Variants in MACROD2 observed in about 807,000 individuals in gnomAD.
The protein encoded by MACROD2 is ADP-ribose glycohydrolase MACROD2.
Under a neutral mutation model 70.4 loss-of-function variants are expected in MACROD2, and 36 were observed. The ratio of observed to expected loss-of-function variants is 0.51; its 90% CI spans 0.39 to 0.68. MACROD2 has a LOEUF of 0.68. MACROD2 is among the 30% of genes least tolerant of loss of function. The probability of loss-of-function intolerance (pLI) is 0.00; values close to 1 mark genes in which losing one functional copy is unlikely to be tolerated. For missense variants in MACROD2, 496 were observed against 538.4 expected, an observed-to-expected ratio of 0.92 and a Z score of 0.78; for synonymous variants, 172 against 178.8, an observed-to-expected ratio of 0.96 and a Z score of 0.30.
At chr20:15,432,253 G>C (rs2046372696) in intron 7 of MACROD2, among the ~76,000 whole-genome samples, 1 of 152,072 alleles carries the variant, frequency 6.6e-6, no homozygotes, top group Admixed American at 6.6e-5. Context: ...GGACTACCTA[G>C]ATTGATGTCA....
intron 8 of MACROD2, among the ~76,000 whole-genome samples, chr20:15,502,590 G>A (rs948450622): frequency 2.0e-5 from 3 of 152,148 alleles, no homozygotes; most frequent in African/African-American, 7.2e-5. Flanking sequence ...AGATATCAGA[G>A]TAGGAAATGG....
chr20:14,271,351 T>TC (rs1359572034), intron 3 of MACROD2, among the ~76,000 whole-genome samples: 12 of 152,220 alleles, frequency 7.9e-5, no homozygotes, highest in Non-Finnish European at 1.0e-4. Context: ...TCTGCTGTTC[T>TC]GCAGCCACCG....
At chr20:14,647,623 C>T (rs1382928001) in intron 4 of MACROD2, among the ~76,000 whole-genome samples, 1 of 151,896 alleles carries the variant, frequency 6.6e-6, no homozygotes, top group African/African-American at 2.4e-5. Context: ...TCATAAGACA[C>T]CCAGACCCCT....
At chr20:15,014,059 T>C (rs2075103344) in intron 5 of MACROD2, among the ~76,000 whole-genome samples, 1 of 152,226 alleles carries the variant, frequency 6.6e-6, no homozygotes, top group African/African-American at 2.4e-5. Context: ...ACCACTTGTT[T>C]TGGTTTTATG....
intron 6 of MACROD2, among the ~76,000 whole-genome samples, chr20:15,242,334 T>C (rs1431551283): frequency 3.3e-5 from 5 of 152,260 alleles, no homozygotes; most frequent in African/African-American, 1.2e-4. Flanking sequence ...ATTACATTAA[T>C]TGTTTTTCAA....
intron 8 of MACROD2, among the ~76,000 whole-genome samples, chr20:15,632,213 A>G (rs1219750865): frequency 6.6e-6 from 1 of 151,706 alleles, no homozygotes; most frequent in Non-Finnish European, 1.5e-5. Context: ...TAAAAATAAA[A>G]TAAATAAAAA....
intron 8 of MACROD2, among the ~76,000 whole-genome samples, chr20:15,514,149 A>G (rs553339852): frequency 5.0e-4 from 76 of 152,376 alleles, no homozygotes; most frequent in African/African-American, 1.7e-3. Flanking sequence ...AATAAAAAAT[A>G]CAATAAGTTA....
intron 5 of MACROD2, among the ~76,000 whole-genome samples, chr20:15,065,896 A>T (rs1368269154): frequency 6.6e-6 from 1 of 152,084 alleles, no homozygotes; most frequent in Non-Finnish European, 1.5e-5. Context: ...AACCACAAAA[A>T]GTTTATTGGC....
intron 3 of MACROD2, among the ~76,000 whole-genome samples, chr20:14,264,824 T>C (rs922009646): frequency 6.6e-6 from 1 of 152,072 alleles, no homozygotes; most frequent in Non-Finnish European, 1.5e-5. Flanking sequence ...GAGAGCAAAA[T>C]GGGTAGAGGC....
At chr20:14,491,690 T>C (rs531735580) in intron 3 of MACROD2, among the ~76,000 whole-genome samples, 14 of 152,216 alleles carry the variant, frequency 9.2e-5, no homozygotes, top group Non-Finnish European at 1.3e-4. Flanking sequence ...TCCACCTTTA[T>C]TGAGCAAAAC....
At chr20:15,855,059 A>G (rs2064341779) in intron 8 of MACROD2, among the ~76,000 whole-genome samples, 1 of 152,148 alleles carries the variant, frequency 6.6e-6, no homozygotes, top group African/African-American at 2.4e-5. Flanking sequence ...TTTGCATCAC[A>G]CCAGATCTCT....
chr20:15,662,415 T>C (rs2098010004), intron 8 of MACROD2, among the ~76,000 whole-genome samples: 1 of 152,212 alleles, frequency 6.6e-6, no homozygotes, highest in South Asian at 2.1e-4. Flanking sequence ...GTGCTTAGCA[T>C]TGTGACTGGC....
intron 13 of MACROD2, 106 bp from the exon 14 acceptor site, chr20:15,986,621 C>G: frequency 3.2e-6 from 2 of 629,380 alleles, no homozygotes; most frequent in Non-Finnish European, 5.2e-6. Context: ...CAAAACTGTT[C>G]TCTATCTCTC....
At chr20:14,833,678 A>G (rs1248912066) in intron 5 of MACROD2, among the ~76,000 whole-genome samples, 1 of 152,110 alleles carries the variant, frequency 6.6e-6, no homozygotes, top group Non-Finnish European at 1.5e-5. Context: ...GTACTAGGAC[A>G]AAACGGTCAC....
At chr20:15,884,723 G>A (rs1310408574) in intron 9 of MACROD2, among the ~76,000 whole-genome samples, 1 of 152,056 alleles carries the variant, frequency 6.6e-6, no homozygotes, top group African/African-American at 2.4e-5. Flanking sequence ...AAGATTTGGC[G>A]CTAGCTGATA....
intron 8 of MACROD2, among the ~76,000 whole-genome samples, chr20:15,528,774 TGAA>T (rs1187716266): frequency 3.3e-5 from 5 of 152,212 alleles, no homozygotes; most frequent in South Asian, 4.1e-4. Flanking sequence ...TGTAGCTTTT[TGAA>T]GAAGAAGAAG....
chr20:15,027,859 T>C (rs2075245702), intron 5 of MACROD2, among the ~76,000 whole-genome samples: 1 of 152,168 alleles, frequency 6.6e-6, no homozygotes, highest in Admixed American at 6.5e-5. Context: ...AGTTGCTGAA[T>C]AAACTGTGTG....
intron 5 of MACROD2, among the ~76,000 whole-genome samples, chr20:14,774,402 T>G (rs1019716567): frequency 6.6e-6 from 1 of 152,070 alleles, no homozygotes; most frequent in Non-Finnish European, 1.5e-5. Flanking sequence ...TCTAATTATT[T>G]TCTCTATATT....
At chr20:15,334,930 G>A (rs951689250) in intron 6 of MACROD2, among the ~76,000 whole-genome samples, 6 of 151,714 alleles carry the variant, frequency 4.0e-5, no homozygotes, top group Middle Eastern at 3.2e-3. Context: ...CGCTCATAAC[G>A]TGAAGTTCAG....
Sources: gnomAD v4.1 joint callset for allele counts (sites outside exome capture counted in the v4.1 genomes callset) on GRCh38, gnomAD v4.1.1 for gene constraint, MANE v1.5 for transcripts, NCBI Gene and HGNC (gene_info 2026-07-23, HGNC 2026-07-21) for gene names.